PRKN: variants seen among roughly 807,000 people sequenced by gnomAD.
The protein encoded by PRKN is E3 ubiquitin-protein ligase parkin.
In PRKN, 56 loss-of-function variants were observed where a neutral mutation model predicts 59.5. That is an observed-to-expected ratio of 0.94 (90% CI 0.76 to 1.18). The LOEUF (loss-of-function observed/expected upper bound fraction) is 1.18, where lower values mean the gene tolerates loss of function less well. Ranked by LOEUF, PRKN falls within the 50% of genes most tolerant of loss-of-function variation. PRKN has a pLI of 0.00. For missense variants in PRKN, 657 were observed against 596.4 expected (o/e 1.10, Z -1.06); for synonymous variants, 250 against 222.1 (o/e 1.13, Z -1.12).
intron 6 of PRKN, among the ~76,000 whole-genome samples, chr6:161,961,218 A>G (rs1370985960): frequency 6.6e-6 from 1 of 152,180 alleles, no homozygotes; most frequent in Non-Finnish European, 1.5e-5. Flanking sequence ...GGCTCAGAGA[A>G]GGAATCTAAT....
chr6:161,977,585 C>T (rs191439952), intron 5 of PRKN, among the ~76,000 whole-genome samples: 122 of 128,900 alleles, frequency 9.5e-4, no homozygotes, highest in South Asian at 1.8e-3. Context: ...TCTTTTCTGT[C>T]GCCCAGGCTG....
intron 6 of PRKN, among the ~76,000 whole-genome samples, chr6:161,953,749 G>A (rs530429929): frequency 2.0e-5 from 3 of 152,240 alleles, no homozygotes; most frequent in Admixed American, 6.5e-5. Flanking sequence ...TGTACATTCC[G>A]AACACATCAG....
At chr6:161,884,095 T>C (rs188615650) in intron 6 of PRKN, among the ~76,000 whole-genome samples, 1 of 152,342 alleles carries the variant, frequency 6.6e-6, no homozygotes, top group East Asian at 1.9e-4. Flanking sequence ...ACTAACTAAC[T>C]TACTTGGTTG....
At chr6:161,817,092 A>G (rs1791816765) in intron 6 of PRKN, among the ~76,000 whole-genome samples, 1 of 152,194 alleles carries the variant, frequency 6.6e-6, no homozygotes, top group African/African-American at 2.4e-5. Context: ...ACTGGGTCCT[A>G]GAATTTGATC....
chr6:161,563,190 G>A (rs1474561085), intron 8 of PRKN, among the ~76,000 whole-genome samples: 1 of 151,986 alleles, frequency 6.6e-6, no homozygotes, highest in Non-Finnish European at 1.5e-5. Flanking sequence ...TCTAAAGTAG[G>A]TGACATCCCT....
At chr6:162,110,024 T>A (rs924267359) in intron 4 of PRKN, among the ~76,000 whole-genome samples, 3 of 152,256 alleles carry the variant, frequency 2.0e-5, no homozygotes, top group African/African-American at 7.2e-5. Context: ...TAACACTATG[T>A]TGAATTCTGT....
chr6:161,679,527 C>A (rs1004800459), intron 7 of PRKN, among the ~76,000 whole-genome samples: 2 of 148,066 alleles, frequency 1.4e-5, no homozygotes, highest in Non-Finnish European at 3.0e-5. Flanking sequence ...CCCGCTTGGG[C>A]TCTTTCTTGG....
chr6:161,865,887 C>A (rs1241166719), intron 6 of PRKN, among the ~76,000 whole-genome samples: 1 of 152,168 alleles, frequency 6.6e-6, no homozygotes, highest in Admixed American at 6.5e-5. Context: ...ACTTGGATAA[C>A]TTATTGGAGC....
intron 7 of PRKN, among the ~76,000 whole-genome samples, chr6:161,605,583 C>T (rs1782249006): frequency 6.6e-6 from 1 of 150,628 alleles, no homozygotes; most frequent in African/African-American, 2.4e-5. Context: ...GCGATCTTGG[C>T]TCACTACAAG....
chr6:162,294,358 CAGAG>C (rs141432501), intron 2 of PRKN, among the ~76,000 whole-genome samples: 1 of 150,842 alleles, frequency 6.6e-6, no homozygotes, highest in Non-Finnish European at 1.5e-5. Flanking sequence ...AGGAGAGAGA[CAGAG>C]AGAGAGAGAG....
chr6:161,412,678 C>T (rs571724924), intron 9 of PRKN, among the ~76,000 whole-genome samples: 73 of 151,356 alleles, frequency 4.8e-4, no homozygotes, highest in African/African-American at 1.6e-3. Context: ...CTCATTCCTC[C>T]GCTCACTCAT....
intron 7 of PRKN, among the ~76,000 whole-genome samples, chr6:161,777,524 A>G (rs1309694410): frequency 6.6e-6 from 1 of 151,652 alleles, no homozygotes; most frequent in African/African-American, 2.4e-5. Context: ...TATTACACAC[A>G]TCTTGATAGC....
intron 1 of PRKN, among the ~76,000 whole-genome samples, chr6:162,567,794 C>G (rs1227256396): frequency 6.6e-6 from 1 of 152,028 alleles, no homozygotes. Context: ...CCACAAAAGA[C>G]CCAGAATAGC....
chr6:161,875,459 C>T (rs1057432418), intron 6 of PRKN, among the ~76,000 whole-genome samples: 2 of 151,988 alleles, frequency 1.3e-5, no homozygotes, highest in African/African-American at 4.8e-5. Flanking sequence ...TCCCAAAGTG[C>T]TGGGATTACA....
chr6:162,332,978 T>A (rs549556251), intron 2 of PRKN, among the ~76,000 whole-genome samples: 23 of 152,192 alleles, frequency 1.5e-4, no homozygotes, highest in Non-Finnish European at 3.2e-4. Context: ...GGGCTCTACA[T>A]GCTGCTATTT....
At chr6:162,326,283 G>A (rs1450659981) in intron 2 of PRKN, among the ~76,000 whole-genome samples, 1 of 152,036 alleles carries the variant, frequency 6.6e-6, no homozygotes, top group Non-Finnish European at 1.5e-5. Context: ...CGTTCCCAGG[G>A]ATTATAAGTC....
chr6:161,530,402 C>G lies in PRKN; in HGVS notation c.1083+18452G>C, dbSNP rs1288732536. Among the ~76,000 whole-genome samples, 1 of 152,170 alleles carries G rather than the reference C, an allele frequency of 6.6e-6. No individual in the cohort carries two copies. Among genetic ancestry groups the G allele is most frequent in the Non-Finnish European group, 1.5e-5 (1 of 68,030 alleles). On this transcript the variant is annotated intron_variant, in intron 9 of 11. Transcript: ENST00000366898. This position sits in a 1 kb window ranked among gnomAD's most constrained non-coding sequence, Gnocchi z 5.0. The stretch of plus-strand genomic sequence containing the variant: ...AGGTACCCTGGTTTGAAAAATCATA[C>G]TTTTAGAAGAAATTGCCCTTTCCAT...
At chr6:161,765,550 T>C (rs879341723) in intron 7 of PRKN, among the ~76,000 whole-genome samples, 11 of 152,184 alleles carry the variant, frequency 7.2e-5, no homozygotes, top group South Asian at 2.1e-4. Flanking sequence ...ACTTTATAGG[T>C]AATTACTCCT....
chr6:161,534,233 C>T (rs1236505999), intron 9 of PRKN, among the ~76,000 whole-genome samples: 1 of 152,136 alleles, frequency 6.6e-6, no homozygotes, highest in Non-Finnish European at 1.5e-5. Context: ...CTTTCTGTCC[C>T]TTCACTCTGT....
Sources: allele counts gnomAD v4.1 joint callset (sites outside exome capture counted in the v4.1 genomes callset), GRCh38; gene constraint gnomAD v4.1.1; non-coding constraint Gnocchi (gnomAD v3.1); transcripts MANE v1.5; gene names NCBI Gene and HGNC (gene_info 2026-07-23, HGNC 2026-07-21).